Variants in LNPEP observed in about 807,000 individuals in gnomAD.
The protein encoded by LNPEP is leucyl and cystinyl aminopeptidase, also known as leucyl-cystinyl aminopeptidase.
LNPEP carries 64 observed loss-of-function variants against 120.6 expected under a neutral mutation model. The ratio of observed to expected loss-of-function variants is 0.53; its 90% CI spans 0.43 to 0.65. The LOEUF is 0.65. LNPEP is among the 30% of genes least tolerant of loss of function. The probability of loss-of-function intolerance (pLI) is 0.00; values close to 1 mark genes in which losing one functional copy is unlikely to be tolerated. For missense variants in LNPEP, 1,057 were observed against 1,200.0 expected, an observed-to-expected ratio of 0.88 and a Z score of 1.76; for synonymous variants, 435 against 425.4, an observed-to-expected ratio of 1.02 and a Z score of -0.28.
intron 16 of LNPEP, among the ~76,000 whole-genome samples, chr5:97,026,966 C>T (rs2112675372): frequency 6.6e-6 from 1 of 152,260 alleles, no homozygotes; most frequent in Middle Eastern, 3.4e-3. Flanking sequence ...CATCTAAGTT[C>T]TAATTAAGCC....
At chr5:97,027,590 G>A (rs1791375510) in intron 16 of LNPEP, 143 bp from the exon 17 acceptor site, 1 of 606,520 alleles carries the variant, frequency 1.6e-6, no homozygotes, top group African/African-American at 1.9e-5. Context: ...AGTATGCATA[G>A]GGCTACCCCG....
intron 1 of LNPEP, among the ~76,000 whole-genome samples, chr5:96,942,652 CAAA>C (rs71617155): frequency 5.3e-5 from 5 of 94,500 alleles, no homozygotes; most frequent in Admixed American, 1.2e-4. Context: ...GACTCCATCT[CAAA>C]AAAAAAAAAA....
chr5:96,943,421 G>A (rs1477316351), intron 1 of LNPEP, among the ~76,000 whole-genome samples: 1 of 152,076 alleles, frequency 6.6e-6, no homozygotes, highest in Admixed American at 6.5e-5. Flanking sequence ...CGAGTAACTG[G>A]GACCACAGGT....
In LNPEP at chr5:97,030,197, T is replaced by C. The variant is rs370411789; in HGVS notation, c.*1664T>C. ...TAGTCTTCTTTAATCCTAGTGTGTT[T>C]TCCCCAATTTAGTCTTTTCTAAAAT... On this transcript the variant is annotated 3_prime_UTR_variant, in exon 18 of 18. Coordinates refer to ENST00000231368, the MANE Select transcript of LNPEP (RefSeq NM_005575.3). 6.6e-6 allele frequency: 1 copy of C among 152,034 alleles called. No homozygotes were observed. The highest frequency in any genetic ancestry group is 2.1e-4 in the South Asian group (1 of 4,826). The allele number at this position is 152,034 out of a possible 1,614,324, so 9.4% of individuals were successfully genotyped here. A position where few individuals can be genotyped will look rare whatever the true frequency, so the allele number is the denominator to read the frequency against.
chr5:96,945,660 G>T (rs1489998955), intron 1 of LNPEP, among the ~76,000 whole-genome samples: 4 of 152,140 alleles, frequency 2.6e-5, no homozygotes, highest in African/African-American at 7.2e-5. Flanking sequence ...CTGGTCAGTT[G>T]TGCCAGAATT....
At chr5:96,970,000 T>G (rs951709631) in intron 1 of LNPEP, among the ~76,000 whole-genome samples, 3 of 151,962 alleles carry the variant, frequency 2.0e-5, no homozygotes, top group African/African-American at 7.2e-5. Flanking sequence ...ATTGTTTACC[T>G]AATTTACTAA....
chr5:96,959,695 T>C (rs1789552634), intron 1 of LNPEP, among the ~76,000 whole-genome samples: 1 of 152,164 alleles, frequency 6.6e-6, no homozygotes, highest in Non-Finnish European at 1.5e-5. Flanking sequence ...TTTTAGACTT[T>C]TAAAATTTGA....
chr5:96,972,863 T>C lies in LNPEP; in HGVS notation c.20-6275T>C, dbSNP rs116036206. On this transcript the variant is annotated intron_variant, in intron 1 of 17. Coordinates refer to ENST00000231368, the MANE Select transcript of LNPEP (RefSeq NM_005575.3). ...CCACCCTCAGTCATCCATTTACTTT[T>C]CTCTTCACAAGGGAGACAAAGTCAG... 4.0e-3 allele frequency among the ~76,000 whole-genome samples: 609 copies of C among 152,190 alleles called. 6 individuals carry two copies. The highest frequency in any genetic ancestry group is 0.014 in the African/African-American group (592 of 41,534).
chr5:97,016,947 A>G (rs1218909752), intron 13 of LNPEP, among the ~76,000 whole-genome samples: 1 of 152,180 alleles, frequency 6.6e-6, no homozygotes, highest in Non-Finnish European at 1.5e-5. Context: ...AGCTATCATG[A>G]ATAGCACTGC....
At chr5:97,019,110 A>C (rs907085059) in intron 13 of LNPEP, among the ~76,000 whole-genome samples, 1 of 152,226 alleles carries the variant, frequency 6.6e-6, no homozygotes, top group African/African-American at 2.4e-5. Flanking sequence ...AATATACAAC[A>C]TAAGTGCTAG....
intron 1 of LNPEP, among the ~76,000 whole-genome samples, chr5:96,966,116 G>A (rs886086173): frequency 1.3e-4 from 20 of 151,940 alleles, no homozygotes; most frequent in African/African-American, 4.8e-4. Context: ...CTTTTCTTTA[G>A]CACTGTAATG....
chr5:97,029,683 T>C lies in LNPEP; in HGVS notation c.*1150T>C, dbSNP rs998448743. Reference sequence around the variant, plus strand: ...AATTCGTGTTTAGTATGGTGGGCTTTGAATTTTTTTCACTATCAAAAATAG... The same window carrying C: ...AATTCGTGTTTAGTATGGTGGGCTTCGAATTTTTTTCACTATCAAAAATAG... On this transcript the variant is annotated 3_prime_UTR_variant, in exon 18 of 18. Transcript: ENST00000231368. 1 of 150,828 alleles carries C rather than the reference T, an allele frequency of 6.6e-6. No homozygotes were observed. The highest frequency in any genetic ancestry group is 2.5e-5 in the African/African-American group (1 of 40,120). 9.3% of individuals were successfully genotyped at this position (150,828 alleles called of 1,614,324 possible).
rs890807261 is a variant in LNPEP at position 97,033,003 on chromosome 5, A to G, written c.*4470A>G. The stretch of plus-strand genomic sequence containing the variant: ...AATGAAAATTGAGGTTCAGAGTATG[A>G]CAAATCTCTTTTCCCTTTTCCTTAC... On this transcript the variant is annotated 3_prime_UTR_variant, in exon 18 of 18. Coordinates refer to ENST00000231368, the MANE Select transcript of LNPEP (RefSeq NM_005575.3). 8.5e-5 allele frequency: 13 copies of G among 152,182 alleles called. No individual in the cohort carries two copies. Among genetic ancestry groups the G allele is most frequent in the Admixed American group, 8.5e-4 (13 of 15,274 alleles). 9.4% of individuals were successfully genotyped at this position (152,182 alleles called of 1,614,324 possible).
At chr5:96,952,741 C>A (rs1789353449) in intron 1 of LNPEP, among the ~76,000 whole-genome samples, 1 of 151,976 alleles carries the variant, frequency 6.6e-6, no homozygotes, top group Non-Finnish European at 1.5e-5. Flanking sequence ...TTGTTTATAT[C>A]CAAAGGGTTT....
chr5:96,950,934 A>C (rs888735155), intron 1 of LNPEP, among the ~76,000 whole-genome samples: 1 of 152,204 alleles, frequency 6.6e-6, no homozygotes, highest in African/African-American at 2.4e-5. Flanking sequence ...AGAATGAAGT[A>C]ATACAGACTG....
At chr5:96,991,027 A>G (rs1262335826) in intron 4 of LNPEP, among the ~76,000 whole-genome samples, 1 of 152,126 alleles carries the variant, frequency 6.6e-6, no homozygotes, top group Non-Finnish European at 1.5e-5. Context: ...TGTAGACTGC[A>G]CCCAATGTGT....
chr5:97,025,436 T>C (rs1791314623), intron 15 of LNPEP, among the ~76,000 whole-genome samples: 1 of 152,244 alleles, frequency 6.6e-6, no homozygotes, highest in African/African-American at 2.4e-5. Flanking sequence ...CTTTAAAGTA[T>C]TAGCCAGCCT....
intron 13 of LNPEP, among the ~76,000 whole-genome samples, chr5:97,019,952 T>G (rs1051287507): frequency 1.3e-5 from 2 of 152,222 alleles, no homozygotes; most frequent in African/African-American, 4.8e-5. Context: ...GTCCGTTCCT[T>G]GCATCGTCAG....
At chr5:97,000,503 A>C (rs916364689) in intron 8 of LNPEP, among the ~76,000 whole-genome samples, 1 of 152,024 alleles carries the variant, frequency 6.6e-6, no homozygotes, top group Non-Finnish European at 1.5e-5. Context: ...TGAAAATGTG[A>C]TTTCCTTCTG....
Sources: gnomAD v4.1 joint callset for allele counts (sites outside exome capture counted in the v4.1 genomes callset) on GRCh38, gnomAD v4.1.1 for gene constraint, MANE v1.5 for transcripts, NCBI Gene and HGNC (gene_info 2026-07-23, HGNC 2026-07-21) for gene names.